POLGARF: variants seen among roughly 807,000 people sequenced by gnomAD.
The protein encoded by POLGARF is POLG alternative reading frame.
At chr15:89,333,296 C>G in the POLGARF span, 1 of 1,554,038 alleles carries the variant, frequency 6.4e-7, no homozygotes, top group East Asian at 2.4e-5. Context: ...GCAAGTTGGC[C>G]GCCTCCAGGT....
the POLGARF span, chr15:89,333,404 G>T: frequency 6.2e-7 from 1 of 1,602,314 alleles, no homozygotes; most frequent in African/African-American, 1.3e-5. Context: ...GCAAGGGCAC[G>T]GCTGGCTGCC....
chr15:89,333,506 C>G, the POLGARF span: 18 of 1,612,806 alleles, frequency 1.1e-5, no homozygotes, highest in Non-Finnish European at 1.5e-5. Flanking sequence ...TTTGCTCGTG[C>G]AGCCCTCTCG....
At chr15:89,333,233 G>C in the POLGARF span, 8 of 1,577,896 alleles carry the variant, frequency 5.1e-6, no homozygotes, top group African/African-American at 6.8e-5. Context: ...ACCGGGTCCA[G>C]CCCTCCGCCC....
At chr15:89,330,754 GC>G in the POLGARF span, among the ~76,000 whole-genome samples, 1 of 44,904 alleles carries the variant, frequency 2.2e-5, no homozygotes, top group Non-Finnish European at 4.0e-5. Context: ...AATGACAAAT[GC>G]TGCTGCACAC....
the POLGARF span, among the ~76,000 whole-genome samples, chr15:89,332,697 G>A: frequency 6.6e-6 from 1 of 152,130 alleles, no homozygotes; most frequent in Non-Finnish European, 1.5e-5. Context: ...ACAAAAGGGA[G>A]CTTTCTACCG....
chr15:89,330,756 TGC>T, the POLGARF span, among the ~76,000 whole-genome samples: 1 of 45,256 alleles, frequency 2.2e-5, no homozygotes, highest in Non-Finnish European at 4.0e-5. Flanking sequence ...TGACAAATGC[TGC>T]TGCACACATG....
chr15:89,333,160 C>A, the POLGARF span: 7 of 1,547,984 alleles, frequency 4.5e-6, no homozygotes, highest in Non-Finnish European at 4.4e-6. Flanking sequence ...CAGACCTCCA[C>A]GTCGAACACC....
chr15:89,333,063 C>T, the POLGARF span: 2 of 1,503,590 alleles, frequency 1.3e-6, no homozygotes, highest in Admixed American at 2.3e-5. Context: ...GGCCCCCATG[C>T]CTGCTTATGT....
At chr15:89,333,641 C>A in the POLGARF span, 3 of 1,590,756 alleles carry the variant, frequency 1.9e-6, no homozygotes, top group African/African-American at 2.7e-5. Flanking sequence ...GCCGCCGCTG[C>A]CCGTCGCTGG....
At chr15:89,333,414 C>T in the POLGARF span, 3 of 1,606,136 alleles carry the variant, frequency 1.9e-6, no homozygotes, top group African/African-American at 1.3e-5. Flanking sequence ...GGCTGGCTGC[C>T]CCCAGAGCCC....
At chr15:89,332,633 G>A in the POLGARF span, among the ~76,000 whole-genome samples, 25 of 151,914 alleles carry the variant, frequency 1.6e-4, no homozygotes, top group African/African-American at 4.8e-4. Flanking sequence ...TTGGTCTGGC[G>A]TTTATGGGAA....
the POLGARF span, chr15:89,333,011 C>A: frequency 6.7e-6 from 10 of 1,484,790 alleles, no homozygotes; most frequent in Middle Eastern, 1.8e-4. Flanking sequence ...CAGCCCGTAA[C>A]AGGACCTCAG....
chr15:89,333,011 C>T, the POLGARF span: 10 of 1,484,910 alleles, frequency 6.7e-6, no homozygotes, highest in Non-Finnish European at 7.2e-6. Flanking sequence ...CAGCCCGTAA[C>T]AGGACCTCAG....
the POLGARF span, among the ~76,000 whole-genome samples, chr15:89,331,450 G>A: frequency 3.3e-5 from 5 of 152,236 alleles, no homozygotes; most frequent in Admixed American, 2.6e-4. Flanking sequence ...CTCTGCAGCT[G>A]TGCATGAAGC....
chr15:89,333,193 C>T, the POLGARF span: 1 of 1,571,036 alleles, frequency 6.4e-7, no homozygotes, highest in Non-Finnish European at 8.7e-7. Flanking sequence ...TCGGGGATGG[C>T]CACGGGTACG....
the POLGARF span, chr15:89,333,001 C>A: frequency 6.8e-7 from 1 of 1,469,304 alleles, no homozygotes; most frequent in Non-Finnish European, 9.0e-7. Flanking sequence ...CGTGAGCACC[C>A]AGCCCGTAAC....
chr15:89,333,213 T>G, the POLGARF span: 4 of 1,577,002 alleles, frequency 2.5e-6, no homozygotes, highest in Admixed American at 3.5e-5. Context: ...GGCCTCCCCC[T>G]CGGGGCCGTA....
the POLGARF span, chr15:89,333,301 C>T: frequency 1.3e-6 from 2 of 1,555,302 alleles, no homozygotes; most frequent in Non-Finnish European, 1.7e-6. Flanking sequence ...TTGGCCGCCT[C>T]CAGGTAGGGC....
At chr15:89,332,417 C>G in the POLGARF span, 4 of 152,114 alleles carry the variant, frequency 2.6e-5, no homozygotes, top group African/African-American at 9.7e-5. Context: ...GTACTGCCAT[C>G]ATTGTTTGAA....
Sources: allele counts gnomAD v4.1 joint callset (sites outside exome capture counted in the v4.1 genomes callset), GRCh38; gene constraint gnomAD v4.1.1; transcripts MANE v1.5; gene names NCBI Gene and HGNC (gene_info 2026-07-23, HGNC 2026-07-21).